PPM1H: variants seen among roughly 807,000 people sequenced by gnomAD.
PPM1H encodes the protein protein phosphatase, Mg2+/Mn2+ dependent 1H, also known as protein phosphatase 1H.
A neutral mutation model predicts 54.9 loss-of-function variants in PPM1H; 27 were observed. The observed-to-expected ratio is 0.49, with a 90% CI of 0.36 to 0.68. PPM1H has a LOEUF of 0.68. Ranked by LOEUF, PPM1H falls within the 30% of genes least tolerant of loss-of-function variation. The pLI, the probability that PPM1H is intolerant of heterozygous loss-of-function variation, is 0.00. For synonymous variants in PPM1H, 305 were observed against 270.8 expected, an observed-to-expected ratio of 1.13 and a Z score of -1.24; for missense variants, 596 against 667.8, an observed-to-expected ratio of 0.89 and a Z score of 1.19.
chr12:62,796,536 T>C (rs1325221277), intron 3 of PPM1H, among the ~76,000 whole-genome samples: 1 of 152,210 alleles, frequency 6.6e-6, no homozygotes, highest in African/African-American at 2.4e-5. Context: ...ACAAAGGATA[T>C]GGATGAAGAG....
intron 8 of PPM1H, among the ~76,000 whole-genome samples, chr12:62,673,248 T>A (rs2075966437): frequency 6.6e-6 from 1 of 152,206 alleles, no homozygotes; most frequent in Admixed American, 6.5e-5. Context: ...AGAGATGTCC[T>A]TAATGTCAAC....
chr12:62,681,762 T>C lies in PPM1H; in HGVS notation c.1245+7937A>G, dbSNP rs1473230424. 2.0e-5 allele frequency among the ~76,000 whole-genome samples: 3 copies of C among 152,304 alleles called. 1 individual carries two copies. Among genetic ancestry groups the C allele is most frequent in the Non-Finnish European group, 4.4e-5 (3 of 68,034 alleles). The stretch of plus-strand genomic sequence containing the variant: ...GCTAACCATCTAACTAGCCACAAAT[T>C]TGAATTCCTTGAAGATATGTTCCCC... On this transcript the variant is annotated intron_variant, in intron 8 of 9. Transcript: ENST00000228705.
chr12:62,796,121 GTTC>G (rs1428047741), intron 3 of PPM1H, among the ~76,000 whole-genome samples: 1 of 152,212 alleles, frequency 6.6e-6, no homozygotes, highest in Non-Finnish European at 1.5e-5. Context: ...GAGAAGAGCA[GTTC>G]TTAGTGAAAA....
intron 2 of PPM1H, among the ~76,000 whole-genome samples, chr12:62,816,776 G>A (rs2076868929): frequency 6.6e-6 from 1 of 151,168 alleles, no homozygotes; most frequent in Non-Finnish European, 1.5e-5. Context: ...AAAGTTTATT[G>A]CCCTTGACAA....
intron 2 of PPM1H, among the ~76,000 whole-genome samples, chr12:62,817,335 G>T (rs1365619316): frequency 6.6e-6 from 1 of 151,180 alleles, no homozygotes; most frequent in Non-Finnish European, 1.5e-5. Flanking sequence ...GGTGGCGGGC[G>T]CCTGTAGTCC....
chr12:62,905,693 T>C (rs1253535511), intron 1 of PPM1H, among the ~76,000 whole-genome samples: 3 of 152,176 alleles, frequency 2.0e-5, no homozygotes, highest in African/African-American at 7.2e-5. Context: ...ACAGGAAGGC[T>C]TTAACATACT....
At chr12:62,915,811 G>A (rs2121151872) in intron 1 of PPM1H, among the ~76,000 whole-genome samples, 1 of 152,304 alleles carries the variant, frequency 6.6e-6, no homozygotes, top group East Asian at 1.9e-4. Context: ...AGGTGGTTCA[G>A]GCTCCACGTG....
At chr12:62,737,685 G>A in intron 4 of PPM1H, 99 bp from the exon 5 acceptor site, 1 of 831,738 alleles carries the variant, frequency 1.2e-6, no homozygotes. Flanking sequence ...AATGCCAAGA[G>A]ATGTTTTTGT....
intron 4 of PPM1H, among the ~76,000 whole-genome samples, chr12:62,770,275 C>A (rs2076570957): frequency 6.6e-6 from 1 of 152,240 alleles, no homozygotes; most frequent in African/African-American, 2.4e-5. Context: ...CTTCTACTAA[C>A]CTTATCACAG....
At chr12:62,894,306 G>T (rs1266921853) in intron 1 of PPM1H, among the ~76,000 whole-genome samples, 2 of 152,172 alleles carry the variant, frequency 1.3e-5, no homozygotes, top group African/African-American at 2.4e-5. Context: ...TTTTATAGGG[G>T]TGACAGCAAA....
intron 1 of PPM1H, among the ~76,000 whole-genome samples, chr12:62,836,735 G>A (rs971252537): frequency 6.6e-6 from 1 of 152,182 alleles, no homozygotes; most frequent in African/African-American, 2.4e-5. Flanking sequence ...GAGGTTGAAA[G>A]TGAAGCACAG....
intron 1 of PPM1H, among the ~76,000 whole-genome samples, chr12:62,901,827 C>T (rs1031719334): frequency 1.3e-5 from 2 of 152,076 alleles, no homozygotes; most frequent in African/African-American, 4.8e-5. Flanking sequence ...TGCCATTTGT[C>T]CTTGAACCTG....
At chr12:62,827,059 GCAA>G in intron 2 of PPM1H, among the ~76,000 whole-genome samples, 1 of 152,180 alleles carries the variant, frequency 6.6e-6, no homozygotes, top group Non-Finnish European at 1.5e-5. Flanking sequence ...TTCTATGGCT[GCAA>G]CTATAATTTT....
intron 1 of PPM1H, among the ~76,000 whole-genome samples, chr12:62,837,796 A>G (rs1185494626): frequency 1.3e-5 from 2 of 152,168 alleles, no homozygotes; most frequent in African/African-American, 4.8e-5. Context: ...TTCTGTCAGG[A>G]CCCAAGGATG....
At chr12:62,895,998 A>G (rs1308123551) in intron 1 of PPM1H, among the ~76,000 whole-genome samples, 1 of 152,230 alleles carries the variant, frequency 6.6e-6, no homozygotes, top group Non-Finnish European at 1.5e-5. Context: ...AATAAGCCCT[A>G]TAGGTGATTC....
At chr12:62,899,030 A>T (rs1871080357) in intron 1 of PPM1H, among the ~76,000 whole-genome samples, 1 of 152,234 alleles carries the variant, frequency 6.6e-6, no homozygotes, top group Admixed American at 6.5e-5. Flanking sequence ...ATCAAAGATC[A>T]GTATGTGAAG....
At chr12:62,814,563 A>G (rs1419433902) in intron 2 of PPM1H, among the ~76,000 whole-genome samples, 4 of 152,202 alleles carry the variant, frequency 2.6e-5, no homozygotes, top group Non-Finnish European at 1.5e-5. Flanking sequence ...TTAATTTAGA[A>G]ATAGTTGTCT....
At chr12:62,833,326 A>T (rs74097104) in intron 1 of PPM1H, among the ~76,000 whole-genome samples, 3,026 of 152,320 alleles carry the variant, frequency 0.02, 95 homozygotes, top group African/African-American at 0.069. Context: ...GCCTCCTAAC[A>T]GTTCAAAATC....
In PPM1H at chr12:62,710,619, C is replaced by T. The variant is rs564659557; in HGVS notation, c.1073+9552G>A. Among the ~76,000 whole-genome samples, 5 of 152,022 alleles carry T rather than the reference C, an allele frequency of 3.3e-5. No homozygotes were observed. The South Asian group carries it at 1.0e-3, about 32-fold the overall frequency. On this transcript the variant is annotated intron_variant, in intron 6 of 9. Transcript: ENST00000228705. Reference sequence around the variant, plus strand: ...GGACAGAGGGGCTGGCAACGGGCTTCCTGGCTGTAGTGATGGTGTCTCTTC... The same window carrying T: ...GGACAGAGGGGCTGGCAACGGGCTTTCTGGCTGTAGTGATGGTGTCTCTTC...
Sources: gnomAD v4.1 joint callset for allele counts (sites outside exome capture counted in the v4.1 genomes callset) on GRCh38, gnomAD v4.1.1 for gene constraint, MANE v1.5 for transcripts, NCBI Gene and HGNC (gene_info 2026-07-23, HGNC 2026-07-21) for gene names.